The following LOC400499 variants were observed in gnomAD, a reference collection of about 807,000 sequenced individuals.
At chr16:11,466,319 G>A in the LOC400499 span, among the ~76,000 whole-genome samples, 1 of 152,194 alleles carries the variant, frequency 6.6e-6, no homozygotes, top group Non-Finnish European at 1.5e-5. Context: ...ACATGAAGCT[G>A]TGGAACACCT....
At chr16:11,522,398 G>A in the LOC400499 span, among the ~76,000 whole-genome samples, 1 of 152,116 alleles carries the variant, frequency 6.6e-6, no homozygotes, top group Non-Finnish European at 1.5e-5. Flanking sequence ...TTAATAGTTG[G>A]GGCCAGGGAA....
the LOC400499 span, among the ~76,000 whole-genome samples, chr16:11,474,662 C>T: frequency 1.3e-5 from 2 of 151,244 alleles, no homozygotes; most frequent in Non-Finnish European, 2.9e-5. Flanking sequence ...GAGTTCGAGA[C>T]CAGCCTGGAT....
At chr16:11,456,674 C>T in the LOC400499 span, among the ~76,000 whole-genome samples, 1 of 152,046 alleles carries the variant, frequency 6.6e-6, no homozygotes, top group Non-Finnish European at 1.5e-5. Context: ...GAAGTCCTCC[C>T]GCCTTGGCCT....
At chr16:11,388,626 C>T in the LOC400499 span, among the ~76,000 whole-genome samples, 1 of 152,152 alleles carries the variant, frequency 6.6e-6, no homozygotes, top group African/African-American at 2.4e-5. Context: ...CCCGTGTTCT[C>T]AACACAGGGG....
chr16:11,404,933 G>A, the LOC400499 span: 1 of 398,702 alleles, frequency 2.5e-6, no homozygotes, highest in Non-Finnish European at 4.4e-6. Context: ...GGAAAGAAGA[G>A]AAGCTTGCAG....
At chr16:11,443,343 A>AT in the LOC400499 span, 4 of 378,704 alleles carry the variant, frequency 1.1e-5, no homozygotes, top group African/African-American at 2.2e-5. Flanking sequence ...AAAAAAAAAA[A>AT]AAAAAAAAAA....
the LOC400499 span, chr16:11,447,023 ACT>A: frequency 1.6e-6 from 2 of 1,247,320 alleles, no homozygotes; most frequent in Admixed American, 2.8e-5. Flanking sequence ...CAGAGTTAAG[ACT>A]CTGCCACAGA....
chr16:11,381,404 T>A, the LOC400499 span, among the ~76,000 whole-genome samples: 1 of 152,026 alleles, frequency 6.6e-6, no homozygotes. Flanking sequence ...CCTGCCCTAC[T>A]TTTGAGCTTT....
At chr16:11,413,101 G>A in the LOC400499 span, 9 of 396,180 alleles carry the variant, frequency 2.3e-5, no homozygotes, top group Non-Finnish European at 2.2e-5. Context: ...ACTCTCACAG[G>A]TGCTGAGGAT....
chr16:11,513,642 G>A, the LOC400499 span, among the ~76,000 whole-genome samples: 1 of 151,906 alleles, frequency 6.6e-6, no homozygotes, highest in African/African-American at 2.4e-5. Flanking sequence ...TGTTGGCCAG[G>A]CTGGTCTCGA....
the LOC400499 span, chr16:11,424,361 G>A: frequency 2.5e-6 from 1 of 399,688 alleles, no homozygotes; most frequent in African/African-American, 2.0e-5. Context: ...GAAGAGGCCA[G>A]CGGGCAGGAG....
the LOC400499 span, among the ~76,000 whole-genome samples, chr16:11,436,711 C>T: frequency 6.6e-6 from 1 of 152,132 alleles, no homozygotes; most frequent in Non-Finnish European, 1.5e-5. Flanking sequence ...CCTCAGCCTC[C>T]CGAGTAGCTG....
At chr16:11,458,396 T>G in the LOC400499 span, among the ~76,000 whole-genome samples, 1 of 151,714 alleles carries the variant, frequency 6.6e-6, no homozygotes, top group African/African-American at 2.4e-5. Context: ...TCCCAGCTAC[T>G]TGGGAGGCTG....
At chr16:11,488,603 C>G in the LOC400499 span, 1 of 393,088 alleles carries the variant, frequency 2.5e-6, no homozygotes, top group Non-Finnish European at 4.5e-6. Context: ...AATATTTGAC[C>G]CCTTGACACA....
chr16:11,390,264 T>A, the LOC400499 span: 17 of 1,232,736 alleles, frequency 1.4e-5, no homozygotes, highest in Non-Finnish European at 1.7e-5. Context: ...CTACGCCCCA[T>A]CCTTGCTCAC....
the LOC400499 span, chr16:11,502,059 C>G: frequency 2.5e-6 from 1 of 399,106 alleles, no homozygotes. Context: ...CCATCCCCCA[C>G]CCGGAGAGGG....
the LOC400499 span, chr16:11,484,766 G>T: frequency 2.5e-6 from 1 of 397,804 alleles, no homozygotes; most frequent in South Asian, 1.4e-4. Context: ...AATTCTGCAA[G>T]GAGGAGGCAG....
At chr16:11,460,372 T>C in the LOC400499 span, 4 of 1,310,078 alleles carry the variant, frequency 3.1e-6, no homozygotes, top group African/African-American at 3.0e-5. Flanking sequence ...GGCTATGTGA[T>C]TGTGAGCAAG....
the LOC400499 span, among the ~76,000 whole-genome samples, chr16:11,468,420 C>T: frequency 6.6e-6 from 1 of 151,934 alleles, no homozygotes; most frequent in Non-Finnish European, 1.5e-5. Context: ...ACCTTCTGGG[C>T]TCCAGCAATC....
Sources: allele counts gnomAD v4.1 joint callset (sites outside exome capture counted in the v4.1 genomes callset), GRCh38; gene constraint gnomAD v4.1.1; transcripts MANE v1.5.